The following ROCK2 variants were observed in gnomAD, a reference collection of about 807,000 sequenced individuals.
The protein encoded by ROCK2 is Rho associated coiled-coil containing protein kinase 2, also known as rho-associated protein kinase 2.
In ROCK2, 61 loss-of-function variants were observed where a neutral mutation model predicts 195.1. That is an observed-to-expected ratio of 0.31 (90% CI 0.25 to 0.39). ROCK2 has a LOEUF of 0.39. Ranked by LOEUF, ROCK2 falls within the 10% of genes least tolerant of loss-of-function variation. The pLI is 1.00. For synonymous variants in ROCK2, 504 were observed against 545.5 expected (o/e 0.92, Z 1.06); for missense variants, 1,109 against 1,637.4 (o/e 0.68, Z 5.57).
At chr2:11,317,913 G>C (rs1668275958) in intron 1 of ROCK2, among the ~76,000 whole-genome samples, 1 of 151,698 alleles carries the variant, frequency 6.6e-6, no homozygotes, top group South Asian at 2.1e-4. Flanking sequence ...ATGGTTCCCA[G>C]CTTCATCCAT....
At chr2:11,204,601 G>A (rs895827691) in intron 20 of ROCK2, among the ~76,000 whole-genome samples, 5 of 152,072 alleles carry the variant, frequency 3.3e-5, no homozygotes, top group African/African-American at 9.7e-5. Context: ...CCTTACTTAC[G>A]TCTTTCAAAC....
At chr2:11,314,889 G>T (rs1465162450) in intron 1 of ROCK2, among the ~76,000 whole-genome samples, 5 of 151,912 alleles carry the variant, frequency 3.3e-5, no homozygotes, top group Admixed American at 2.0e-4. Context: ...AATCCCTAAA[G>T]GAATGTGTCC....
chr2:11,247,469 C>T (rs946882047), intron 4 of ROCK2, among the ~76,000 whole-genome samples: 8 of 152,134 alleles, frequency 5.3e-5, no homozygotes, highest in African/African-American at 9.7e-5. Context: ...CAATTATAAT[C>T]GGATTTACTT....
At chr2:11,320,563 T>C (rs1668370316) in intron 1 of ROCK2, among the ~76,000 whole-genome samples, 1 of 152,208 alleles carries the variant, frequency 6.6e-6, no homozygotes, top group African/African-American at 2.4e-5. Flanking sequence ...ATAAAATTAT[T>C]TAATATAGGT....
At chr2:11,279,821 A>G (rs561517669) in intron 3 of ROCK2, among the ~76,000 whole-genome samples, 14 of 152,328 alleles carry the variant, frequency 9.2e-5, no homozygotes, top group Admixed American at 7.8e-4. Flanking sequence ...TAGAAATCAT[A>G]CTGTGTCTAT....
intron 20 of ROCK2, among the ~76,000 whole-genome samples, chr2:11,202,640 G>A (rs1663902872): frequency 6.6e-6 from 1 of 152,084 alleles, no homozygotes; most frequent in Non-Finnish European, 1.5e-5. Context: ...TGGGACTACA[G>A]GCGCCTGCCA....
intron 32 of ROCK2, among the ~76,000 whole-genome samples, chr2:11,187,198 C>T (rs1663230743): frequency 6.6e-6 from 1 of 152,220 alleles, no homozygotes; most frequent in Admixed American, 6.5e-5. Context: ...CTTGTCTTCA[C>T]TTTCCATGGT....
chr2:11,205,802 T>A (rs929769216), intron 20 of ROCK2, among the ~76,000 whole-genome samples: 2 of 152,090 alleles, frequency 1.3e-5, no homozygotes, highest in Admixed American at 6.6e-5. Context: ...ATGTAGTATA[T>A]GTAAAACCTT....
chr2:11,235,146 G>A lies in ROCK2; in HGVS notation c.723+556C>T, dbSNP rs1227745501. Among the ~76,000 whole-genome samples, 1 of 152,086 alleles carries A rather than the reference G, an allele frequency of 6.6e-6. No homozygotes were observed. The highest frequency in any genetic ancestry group is 1.5e-5 in the Non-Finnish European group (1 of 67,964). Reference sequence around the variant, plus strand: ...TAAATTTTACAACCAAAATAAATCAGTATCATAATTAGCTACGAGGTTAAT... The same window carrying A: ...TAAATTTTACAACCAAAATAAATCAATATCATAATTAGCTACGAGGTTAAT... On this transcript the variant is annotated intron_variant, in intron 5 of 32. Transcript: ENST00000315872. The surrounding 1 kb of genome is among the most constrained non-coding windows in gnomAD (Gnocchi z 4.2).
chr2:11,337,666 C>A (rs1182146577), intron 1 of ROCK2, among the ~76,000 whole-genome samples: 1 of 151,154 alleles, frequency 6.6e-6, no homozygotes, highest in Non-Finnish European at 1.5e-5. Flanking sequence ...GAGTCTCACT[C>A]TTGTTGCCCA....
intron 1 of ROCK2, among the ~76,000 whole-genome samples, chr2:11,336,125 C>T (rs555984644): frequency 2.8e-4 from 42 of 152,290 alleles, no homozygotes; most frequent in Middle Eastern, 6.8e-3. Flanking sequence ...TTTTCTACAA[C>T]GAGAGCATAT....
intron 4 of ROCK2, among the ~76,000 whole-genome samples, chr2:11,243,525 C>A (rs973468367): frequency 1.3e-5 from 2 of 152,136 alleles, no homozygotes; most frequent in African/African-American, 4.8e-5. Flanking sequence ...TTAGTATGTA[C>A]TCCTGATATG....
At chr2:11,275,966 C>T (rs1055962350) in intron 3 of ROCK2, among the ~76,000 whole-genome samples, 2 of 152,100 alleles carry the variant, frequency 1.3e-5, no homozygotes, top group African/African-American at 2.4e-5. Context: ...TCCCAAAGTG[C>T]TGGGATTATA....
chr2:11,266,594 C>A (rs141683779), intron 3 of ROCK2, among the ~76,000 whole-genome samples: 41 of 152,258 alleles, frequency 2.7e-4, no homozygotes, highest in African/African-American at 9.4e-4. Flanking sequence ...CAAATTTGCA[C>A]CAACTATTAT....
At chr2:11,308,444 G>A (rs1293614886) in intron 1 of ROCK2, 10 of 1,606,640 alleles carry the variant, frequency 6.2e-6, no homozygotes, top group Non-Finnish European at 8.5e-6. Flanking sequence ...TGGTGCTGGA[G>A]CAGGGTCTCC....
At chr2:11,237,299 G>T (rs1665245647) in intron 4 of ROCK2, among the ~76,000 whole-genome samples, 1 of 152,142 alleles carries the variant, frequency 6.6e-6, no homozygotes, top group Non-Finnish European at 1.5e-5. Context: ...AAACATTACA[G>T]TTAGAAAACT....
intron 1 of ROCK2, among the ~76,000 whole-genome samples, chr2:11,343,258 A>G (rs573009769): frequency 6.6e-6 from 1 of 152,330 alleles, no homozygotes; most frequent in African/African-American, 2.4e-5. Flanking sequence ...GTGCATTTCT[A>G]TTTTGTAAAA....
At position 11,192,135 on chromosome 2, in the gene ROCK2, T is replaced by C; in HGVS notation, c.4163+13A>G. On this transcript the variant is annotated intron_variant, in intron 32 of 32. Transcript: ENST00000315872. The surrounding 1 kb of genome is among the most constrained non-coding windows in gnomAD (Gnocchi z 5.0). Reference sequence around the variant, plus strand: ...GACTTTTTTTTTTTCCTTACCACATTTTAGTTTATTACCTAGGTTTGTTTG... The same window carrying C: ...GACTTTTTTTTTTTCCTTACCACATCTTAGTTTATTACCTAGGTTTGTTTG... 6.5e-7 allele frequency: 1 copy of C among 1,538,436 alleles called. No homozygotes were observed. The highest frequency in any genetic ancestry group is 8.8e-7 in the Non-Finnish European group (1 of 1,137,380).
intron 20 of ROCK2, among the ~76,000 whole-genome samples, chr2:11,204,475 C>T (rs1425633834): frequency 1.3e-5 from 2 of 152,110 alleles, no homozygotes; most frequent in Non-Finnish European, 2.9e-5. Context: ...GACATTTCTC[C>T]TTCAGCTAGG....
Sources: gnomAD v4.1 joint callset for allele counts (sites outside exome capture counted in the v4.1 genomes callset) on GRCh38, gnomAD v4.1.1 for gene constraint, Gnocchi (gnomAD v3.1) non-coding constraint, MANE v1.5 for transcripts, NCBI Gene and HGNC (gene_info 2026-07-23, HGNC 2026-07-21) for gene names.